The following CADM2 variants were observed in gnomAD, a reference collection of about 807,000 sequenced individuals.
CADM2 encodes cell adhesion molecule 2, also known as immunoglobulin superfamily member 4D.
A neutral mutation model predicts 49.8 loss-of-function variants in CADM2; 12 were observed. That is an observed-to-expected ratio of 0.24 (90% CI 0.15 to 0.39). CADM2 has a LOEUF of 0.39. Ranked by LOEUF, CADM2 falls within the 10% of genes least tolerant of loss-of-function variation. The pLI, the probability that CADM2 is intolerant of heterozygous loss-of-function variation, is 1.00. For missense variants in CADM2, 378 were observed against 492.3 expected (o/e 0.77, Z 2.20); for synonymous variants, 214 against 175.4 (o/e 1.22, Z -1.74).
At chr3:85,852,707 T>C (rs938955586) in intron 3 of CADM2, among the ~76,000 whole-genome samples, 2 of 152,126 alleles carry the variant, frequency 1.3e-5, no homozygotes, top group African/African-American at 2.4e-5. Flanking sequence ...ATTTTATAAC[T>C]AAATTGTATT....
At chr3:85,544,645 G>T (rs1251793794) in intron 1 of CADM2, among the ~76,000 whole-genome samples, 1 of 152,022 alleles carries the variant, frequency 6.6e-6, no homozygotes, top group African/African-American at 2.4e-5. Context: ...GTGAGAAAGC[G>T]TACAGAAGCC....
At chr3:85,397,528 C>T (rs957584738) in intron 1 of CADM2, among the ~76,000 whole-genome samples, 1 of 152,088 alleles carries the variant, frequency 6.6e-6, no homozygotes, top group Admixed American at 6.6e-5. Flanking sequence ...TTATATAATA[C>T]AGTGGAATAT....
chr3:85,267,689 C>G (rs2043151773), intron 1 of CADM2, among the ~76,000 whole-genome samples: 1 of 151,364 alleles, frequency 6.6e-6, no homozygotes. Context: ...GTTGAATGAA[C>G]TAATAATATG....
chr3:85,662,932 C>T (rs1361860256), intron 1 of CADM2, among the ~76,000 whole-genome samples: 1 of 151,984 alleles, frequency 6.6e-6, no homozygotes, highest in Non-Finnish European at 1.5e-5. Flanking sequence ...TAATAGTTGC[C>T]TAGTTCCTTT....
At chr3:85,280,152 G>A (rs1423782676) in intron 1 of CADM2, among the ~76,000 whole-genome samples, 1 of 151,436 alleles carries the variant, frequency 6.6e-6, no homozygotes, top group Non-Finnish European at 1.5e-5. Context: ...TTAATCACAT[G>A]CAAAAACTGT....
rs71112117 is a variant in CADM2, at chr3:85,777,244, A to AATTATTATTATTATTATTATT, written c.89-24796_89-24776dup. The stretch of plus-strand genomic sequence containing the variant: ...AAAACATTTGCTATGGTTTTTAAAA[A>AATTATTATTATTATTATTATT]ATTATTATTATTATTATTATTATTA... On this transcript the variant is annotated intron_variant, in intron 2 of 9. Transcript: ENST00000383699. 3.6e-3 allele frequency among the ~76,000 whole-genome samples: 535 copies of AATTATTATTATTATTATTATT among 148,742 alleles called. 2 individuals are homozygous for AATTATTATTATTATTATTATT. Among genetic ancestry groups the AATTATTATTATTATTATTATT allele is most frequent in the Non-Finnish European group, 4.7e-3 (313 of 67,104 alleles).
rs139098489 is a variant in CADM2 at position 85,108,250 on chromosome 3, T to C, written c.61+148582T>C. On this transcript the variant is annotated intron_variant, in intron 1 of 9. Transcript: ENST00000383699. The stretch of plus-strand genomic sequence containing the variant: ...TAAAGCAGGCACACAAATAGGTATT[T>C]GTACAGTCATGTTTCTAGCAGCATT... Among the ~76,000 whole-genome samples, 313 of 152,286 alleles carry C rather than the reference T, an allele frequency of 2.1e-3. 2 individuals carry two copies. The highest frequency in any genetic ancestry group is 7.2e-3 in the African/African-American group (301 of 41,562).
intron 1 of CADM2, among the ~76,000 whole-genome samples, chr3:85,158,521 T>G (rs1242547206): frequency 3.3e-5 from 5 of 152,184 alleles, no homozygotes; most frequent in African/African-American, 9.6e-5. Context: ...ATAAAAATGA[T>G]GAGTTCATGT....
chr3:85,727,819 A>G (rs1007645908), intron 2 of CADM2, among the ~76,000 whole-genome samples: 3 of 151,972 alleles, frequency 2.0e-5, no homozygotes, highest in Non-Finnish European at 2.9e-5. Flanking sequence ...CTCTTGAAGG[A>G]TGGATAGGAT....
chr3:85,911,253 C>G (rs887998239), intron 5 of CADM2, among the ~76,000 whole-genome samples: 1 of 152,040 alleles, frequency 6.6e-6, no homozygotes, highest in African/African-American at 2.4e-5. Context: ...GATTTCTAAA[C>G]CTTTAAAATT....
chr3:85,341,337 A>C (rs1435054962), intron 1 of CADM2, among the ~76,000 whole-genome samples: 1 of 151,934 alleles, frequency 6.6e-6, no homozygotes, highest in Non-Finnish European at 1.5e-5. Context: ...GATAAGTATA[A>C]AAATTCATGA....
chr3:85,786,438 A>G (rs543408797), intron 2 of CADM2, among the ~76,000 whole-genome samples: 6 of 152,200 alleles, frequency 3.9e-5, no homozygotes, highest in African/African-American at 1.2e-4. Flanking sequence ...ATGTGGCACT[A>G]CAAAGGGCTT....
chr3:85,081,990 AC>A lies in CADM2; in HGVS notation c.61+122324del, dbSNP rs2037182189. The stretch of plus-strand genomic sequence containing the variant: ...TATCAAAAAAACTTTCATAAATATC[AC>A]CTCATTTTCCTTCACAAACCATTCT... On this transcript the variant is annotated intron_variant, in intron 1 of 9. Coordinates refer to ENST00000383699, the MANE Select transcript of CADM2 (RefSeq NM_001167675.2). Among the ~76,000 whole-genome samples the A allele has an allele frequency of 2.0e-5, 3 of 152,234 alleles. No homozygotes were observed. In the South Asian group the frequency reaches 6.2e-4, roughly 32 times the overall value.
intron 1 of CADM2, among the ~76,000 whole-genome samples, chr3:85,501,988 A>G (rs2040137263): frequency 6.6e-6 from 1 of 152,202 alleles, no homozygotes; most frequent in East Asian, 1.9e-4. Flanking sequence ...TTCTTCTTCT[A>G]AGAAAGCATG....
At chr3:85,702,646 G>A (rs2066816296) in intron 1 of CADM2, among the ~76,000 whole-genome samples, 1 of 152,038 alleles carries the variant, frequency 6.6e-6, no homozygotes, top group African/African-American at 2.4e-5. Flanking sequence ...CTGAAGTATT[G>A]TTCATGTAGG....
At position 85,897,241 on chromosome 3, in the gene CADM2, C is replaced by CTTTTTT. The variant is rs752550127; in HGVS notation, c.529+10948_529+10953dup. 4.6e-3 allele frequency among the ~76,000 whole-genome samples: 210 copies of CTTTTTT among 45,926 alleles called. 53 individuals are homozygous for CTTTTTT. Among genetic ancestry groups the CTTTTTT allele is most frequent in the African/African-American group, 6.5e-3 (97 of 14,946 alleles). The allele number at this position is 45,926 out of a possible 152,430, so 30.1% of individuals were successfully genotyped here. A position where few individuals can be genotyped will look rare whatever the true frequency, so the allele number is the denominator to read the frequency against. The stretch of plus-strand genomic sequence containing the variant: ...CAACAATAATTGCTTTAACCTACAT[C>CTTTTTT]TTTTTTTTTTTTTTTTTTTTTTTTT... On this transcript the variant is annotated intron_variant, in intron 5 of 9. Coordinates refer to ENST00000383699, the MANE Select transcript of CADM2 (RefSeq NM_001167675.2).
intron 1 of CADM2, among the ~76,000 whole-genome samples, chr3:85,169,663 C>A (rs143436801): frequency 0.011 from 1,599 of 151,982 alleles, 18 homozygotes; most frequent in Non-Finnish European, 0.018. Flanking sequence ...TCCCAGCTAC[C>A]CAGGAGGCTG....
At position 85,960,608 on chromosome 3, in the gene CADM2, A is replaced by G. The variant is rs954043289; in HGVS notation, c.792-861A>G. ...AGAAAATAAATGTAAATTACCTAGG[A>G]TAACAACTAGCAGATGGTAATAGAT... On this transcript the variant is annotated intron_variant, in intron 7 of 9. Coordinates refer to ENST00000383699, the MANE Select transcript of CADM2 (RefSeq NM_001167675.2). Among the ~76,000 whole-genome samples, 3 of 151,998 alleles carry G rather than the reference A, an allele frequency of 2.0e-5. No homozygotes were observed. In the South Asian group the frequency reaches 6.2e-4, roughly 31 times the overall value.
chr3:85,949,800 A>G (rs1723222991), intron 7 of CADM2, among the ~76,000 whole-genome samples: 1 of 151,060 alleles, frequency 6.6e-6, no homozygotes. Context: ...TATCAATACT[A>G]GATCTTATAA....
Sources: allele counts gnomAD v4.1 joint callset (sites outside exome capture counted in the v4.1 genomes callset), GRCh38; gene constraint gnomAD v4.1.1; transcripts MANE v1.5; gene names NCBI Gene and HGNC (gene_info 2026-07-23, HGNC 2026-07-21).